USP9Y: variants seen among roughly 807,000 people sequenced by gnomAD.
USP9Y encodes the protein ubiquitin carboxyl-terminal hydrolase 9Y.
A neutral mutation model predicts 53.1 loss-of-function variants in USP9Y; 41 were observed. That is an observed-to-expected ratio of 0.77 (90% confidence interval 0.60 to 1.00). USP9Y has a LOEUF of 1.00. Among genes scored for constraint, USP9Y ranks in the 50% least tolerant of loss-of-function variants. USP9Y has a pLI of 0.00. For synonymous variants in USP9Y, 220 were observed against 173.7 expected (o/e 1.27, Z -2.09); for missense variants, 567 against 535.8 (o/e 1.06, Z -0.58).
chrY:12,731,854 T>C, intron 7 of USP9Y, among the ~76,000 whole-genome samples: 1 of 33,616 alleles, frequency 3.0e-5, no homozygotes, highest in Non-Finnish European at 7.3e-5. Flanking sequence ...CTCTCAGTAC[T>C]TCCTAATGAG....
At chrY:12,806,618 C>CATTTTTGCTTGAAGT (rs2053524731) in intron 27 of USP9Y, among the ~76,000 whole-genome samples, 2 of 33,863 alleles carry the variant, frequency 5.9e-5, no homozygotes, top group African/African-American at 2.3e-4. Flanking sequence ...TGTATCTAGG[C>CATTTTTGCTTGAAGT]ATTTTTGCTT....
chrY:12,789,012 G>A (rs2053504624), intron 24 of USP9Y, among the ~76,000 whole-genome samples: 1 of 32,774 alleles, frequency 3.1e-5, no homozygotes, highest in East Asian at 8.0e-4. Flanking sequence ...GAGCCACCAC[G>A]CCCGGCCAGC....
At chrY:12,772,549 G>A in intron 16 of USP9Y, among the ~76,000 whole-genome samples, 1 of 31,305 alleles carries the variant, frequency 3.2e-5, no homozygotes, top group Non-Finnish European at 7.7e-5. Context: ...CGGATTACCT[G>A]AGGTCAGGAG....
In USP9Y at chrY:12,859,349, G is replaced by A. The variant is rs2053581327; in HGVS notation, c.7601G>A (p.Gly2534Asp). 2.5e-6 allele frequency: 1 copy of A among 395,556 alleles called. No homozygotes were observed. Among genetic ancestry groups the A allele is most frequent in the Admixed American group, 7.7e-5 (1 of 13,032 alleles). ...CACTTGAACAACCCTCAGAAAACAGGCCAACGAACACAAGAAAATTATGAA... is the reference window on the plus strand; with the variant it reads ...CACTTGAACAACCCTCAGAAAACAGACCAACGAACACAAGAAAATTATGAA... ...AHHLNNPQKT[G>D]QRTQENYEGN... The change falls in exon 46 of 46, where the codon GGC becomes GAC. Residue 2534 changes from glycine (G) to aspartate (D), a missense_variant. By Grantham distance (94) the Gly-to-Asp change is moderately conservative (BLOSUM62 -1). Transcript: ENST00000338981.
At chrY:12,834,995 T>G in intron 34 of USP9Y, among the ~76,000 whole-genome samples, 1 of 33,679 alleles carries the variant, frequency 3.0e-5, no homozygotes, top group African/African-American at 1.2e-4. Flanking sequence ...TTATTCTAAC[T>G]AAACTTGTTA....
At chrY:12,854,904 TA>T (rs2053574567) in intron 42 of USP9Y, among the ~76,000 whole-genome samples, 2 of 34,004 alleles carry the variant, frequency 5.9e-5, no homozygotes, top group African/African-American at 2.3e-4. Flanking sequence ...CAGTAAACAG[TA>T]TTCAACAGAT....
intron 12 of USP9Y, among the ~76,000 whole-genome samples, chrY:12,741,419 G>A: frequency 3.0e-5 from 1 of 32,820 alleles, no homozygotes; most frequent in South Asian, 7.0e-4. Flanking sequence ...GCTGCAGCTG[G>A]ATGATTCCAA....
At chrY:12,846,888 G>C (rs769360040) in intron 40 of USP9Y, 45 bp from the exon 41 acceptor site, 3 of 283,994 alleles carry the variant, frequency 1.1e-5, no homozygotes, top group Non-Finnish European at 1.6e-5. Context: ...TTATAATTTT[G>C]TGAGGAATTC....
At chrY:12,841,174 G>A in intron 37 of USP9Y, 41 bp downstream of exon 37, 2 of 363,444 alleles carry the variant, frequency 5.5e-6, no homozygotes, top group Non-Finnish European at 7.7e-6. Context: ...ACTTATAGTT[G>A]TTTGGTTCTT....
At chrY:12,750,330 T>C (rs2053463330) in intron 12 of USP9Y, among the ~76,000 whole-genome samples, 1 of 33,720 alleles carries the variant, frequency 3.0e-5, no homozygotes, top group Non-Finnish European at 7.4e-5. Flanking sequence ...AATTTTTCTA[T>C]GTATGGCATC....
At chrY:12,775,369 T>C in intron 17 of USP9Y, 102 bp from the exon 18 acceptor site, 1 of 166,869 alleles carries the variant, frequency 6.0e-6, no homozygotes, top group East Asian at 1.2e-4. Flanking sequence ...CTTTAAGTTA[T>C]TGAAGATTAT....
At chrY:12,767,776 A>G (rs2053481622) in intron 15 of USP9Y, among the ~76,000 whole-genome samples, 1 of 33,021 alleles carries the variant, frequency 3.0e-5, no homozygotes, top group African/African-American at 1.2e-4. Flanking sequence ...TGGGGGAAGC[A>G]CATCATTTAG....
chrY:12,810,440 G>GT (rs2053528777), intron 28 of USP9Y, among the ~76,000 whole-genome samples, 153 bp downstream of exon 28: 1 of 33,031 alleles, frequency 3.0e-5, no homozygotes, highest in African/African-American at 1.2e-4. Context: ...TTGGCTTTTT[G>GT]TTTTTTTACA....
At chrY:12,819,350 T>A (rs939914320) in intron 33 of USP9Y, among the ~76,000 whole-genome samples, 4 of 33,415 alleles carry the variant, frequency 1.2e-4, no homozygotes, top group Non-Finnish European at 2.2e-4. Flanking sequence ...ATAATAAAAA[T>A]TACTTTATAA....
At chrY:12,773,503 G>T (rs2053488122) in intron 16 of USP9Y, 80 bp from the exon 17 acceptor site, 1 of 221,998 alleles carries the variant, frequency 4.5e-6, no homozygotes, top group African/African-American at 7.9e-5. Flanking sequence ...TTGTGGTGAA[G>T]TATTATGTTG....
intron 22 of USP9Y, among the ~76,000 whole-genome samples, chrY:12,779,913 G>A: frequency 3.0e-5 from 1 of 33,198 alleles, no homozygotes; most frequent in East Asian, 7.9e-4. Context: ...TCCCAGTGAT[G>A]AACAACAGTC....
chrY:12,832,720 C>T (rs2053551608), intron 33 of USP9Y, among the ~76,000 whole-genome samples: 1 of 33,360 alleles, frequency 3.0e-5, no homozygotes, highest in African/African-American at 1.2e-4. Context: ...GAAAAGGCTA[C>T]TTCAGATTTA....
intron 33 of USP9Y, 71 bp from the exon 34 acceptor site, chrY:12,833,617 T>C: frequency 3.1e-6 from 1 of 320,542 alleles, no homozygotes; most frequent in East Asian, 9.5e-5. Flanking sequence ...TCATTGTTAT[T>C]TTTGTTGTTA....
intron 42 of USP9Y, among the ~76,000 whole-genome samples, chrY:12,853,413 T>C (rs2053573084): frequency 3.0e-5 from 1 of 33,502 alleles, no homozygotes; most frequent in African/African-American, 1.2e-4. Context: ...TGGGCGGAAG[T>C]ATCCCTTTTT....
Sources: gnomAD v4.1 joint callset for allele counts (sites outside exome capture counted in the v4.1 genomes callset) on GRCh38, gnomAD v4.1.1 for gene constraint, MANE v1.5 for transcripts, NCBI Gene and HGNC (gene_info 2026-07-23, HGNC 2026-07-21) for gene names.